PCDHA6: variants seen among roughly 807,000 people sequenced by gnomAD.
PCDHA6 encodes the protein protocadherin alpha-6.
A neutral mutation model predicts 60.3 loss-of-function variants in PCDHA6; 55 were observed. That is an observed-to-expected ratio of 0.91 (90% CI 0.73 to 1.14). PCDHA6 has a LOEUF of 1.14. Ranked by LOEUF, PCDHA6 falls within the 50% of genes most tolerant of loss-of-function variation. PCDHA6 has a pLI of 0.00. For synonymous variants in PCDHA6, 652 were observed against 557.9 expected (o/e 1.17, Z -2.38); for missense variants, 1,327 against 1,256.5 (o/e 1.06, Z -0.85).
In PCDHA6 at chr5:140,841,101, CG is replaced by C. The variant is rs1220554123; in HGVS notation, c.2394+10618del. 6.9e-6 allele frequency: 4 copies of C among 575,664 alleles called. No individual in the cohort carries two copies. The African/African-American group carries it at 7.5e-5, about 11-fold the overall frequency. The allele number at this position is 575,664 out of a possible 1,614,324, so 35.7% of individuals were successfully genotyped here. A position where few individuals can be genotyped will look rare whatever the true frequency, so the allele number is the denominator to read the frequency against. ...AGTGCATAGAAGAACCCAGATATTG[CG>C]GAAGTAATTCATGTAATCATTACCT... On this transcript the variant is annotated intron_variant, in intron 1 of 3. Coordinates refer to ENST00000529310, the MANE Select transcript of PCDHA6 (RefSeq NM_018909.4).
Position 140,984,851 on chromosome 5 carries a change from A to G in PCDHA6, c.2542+2288A>G, listed in dbSNP as rs986424116. Among the ~76,000 whole-genome samples the G allele has an allele frequency of 2.6e-5, 4 of 152,200 alleles. No individual in the cohort carries two copies. In the South Asian group the frequency reaches 6.2e-4, roughly 24 times the overall value. ...TTTCTGTAAATTGGGTGTAGTAATA[A>G]TAATAACACCTATTTTATTGAGTTA... On this transcript the variant is annotated intron_variant, in intron 3 of 3. Coordinates refer to ENST00000529310, the MANE Select transcript of PCDHA6 (RefSeq NM_018909.4).
chr5:140,872,610 T>G (rs1270918795), intron 1 of PCDHA6, among the ~76,000 whole-genome samples: 3 of 152,146 alleles, frequency 2.0e-5, no homozygotes, highest in Non-Finnish European at 4.4e-5. Flanking sequence ...AAAATAATTT[T>G]TTTTGCCTGT....
intron 1 of PCDHA6, chr5:140,834,206 C>G: frequency 1.6e-6 from 1 of 620,932 alleles, no homozygotes; most frequent in African/African-American, 1.8e-5. Flanking sequence ...ACCGCAAATT[C>G]TTTCGTAATC....
chr5:140,883,297 A>G (rs782572580), intron 1 of PCDHA6: 2 of 1,614,132 alleles, frequency 1.2e-6, no homozygotes, highest in Non-Finnish European at 1.7e-6. Flanking sequence ...TACTAGATGT[A>G]AATGATAACG....
intron 1 of PCDHA6, among the ~76,000 whole-genome samples, chr5:140,888,380 A>G (rs1348796416): frequency 6.6e-6 from 1 of 152,192 alleles, no homozygotes; most frequent in East Asian, 1.9e-4. Context: ...GAGCTCTGAG[A>G]TGCTGCTAAA....
At chr5:141,006,108 T>G (rs1268824828) in intron 3 of PCDHA6, among the ~76,000 whole-genome samples, 3 of 151,864 alleles carry the variant, frequency 2.0e-5, no homozygotes, top group Non-Finnish European at 4.4e-5. Flanking sequence ...GTAAGGAGTT[T>G]TTTTTTTTTT....
chr5:140,984,981 A>G (rs2097130201), intron 3 of PCDHA6, among the ~76,000 whole-genome samples: 1 of 151,972 alleles, frequency 6.6e-6, no homozygotes, highest in South Asian at 2.1e-4. Flanking sequence ...TCTGTCCCCC[A>G]GGCTGGAGTC....
intron 1 of PCDHA6, chr5:140,868,015 G>A (rs1161077691): frequency 6.6e-6 from 1 of 152,028 alleles, no homozygotes; most frequent in African/African-American, 2.4e-5. Flanking sequence ...TTAGATTAAG[G>A]AAACCAATGT....
chr5:140,869,798 T>A (rs782748267), intron 1 of PCDHA6: 2 of 1,612,730 alleles, frequency 1.2e-6, no homozygotes. Flanking sequence ...TTAGTCCAAG[T>A]CTTGGATGTC....
chr5:140,853,365 G>C (rs2150531166), intron 1 of PCDHA6: 504,759 of 981,110 alleles, frequency 0.51, 151,971 homozygotes, highest in South Asian at 0.62. Flanking sequence ...CAGGGATCCA[G>C]AGATGGTAAA....
chr5:140,895,905 G>A (rs987746254), intron 1 of PCDHA6, among the ~76,000 whole-genome samples: 4 of 152,076 alleles, frequency 2.6e-5, no homozygotes, highest in Admixed American at 1.3e-4. Context: ...TCCGCGTCCC[G>A]GGCTCAACAA....
At chr5:140,870,944 C>G in intron 1 of PCDHA6, 1 of 1,613,658 alleles carries the variant, frequency 6.2e-7, no homozygotes, top group Middle Eastern at 1.7e-4. Context: ...CAGCCGGCGG[C>G]GGGCGGCTCG....
rs1162004111 is a variant in PCDHA6, at chr5:140,853,967, G to A, written c.2394+23482G>A. ...GAGGGTCCCTTCCTTGAGCCCAGCAGTTTGAGACCAATGTAGTGAGACTCA... is the reference window on the plus strand; with the variant it reads ...GAGGGTCCCTTCCTTGAGCCCAGCAATTTGAGACCAATGTAGTGAGACTCA... On this transcript the variant is annotated intron_variant, in intron 1 of 3. Coordinates refer to ENST00000529310, the MANE Select transcript of PCDHA6 (RefSeq NM_018909.4). The A allele has an allele frequency of 7.7e-6, 5 of 646,708 alleles. No homozygotes were observed. The East Asian group carries it at 4.0e-4, about 51-fold the overall frequency. The allele number at this position is 646,708 out of a possible 1,614,324, so 40.1% of individuals were successfully genotyped here.
intron 1 of PCDHA6, chr5:140,841,275 A>G: frequency 6.5e-7 from 1 of 1,534,690 alleles, no homozygotes; most frequent in Non-Finnish European, 8.8e-7. Context: ...ACAGTCGTTC[A>G]TCTTTATATT....
rs141944056 is a variant in PCDHA6, at chr5:140,857,401, G to A, written c.2394+26916G>A. ...AGGTGGCCGACGTGAACGACAACGCGCCTGCGTTCGCGCAGTCCGAGTACA... is the reference window on the plus strand; with the variant it reads ...AGGTGGCCGACGTGAACGACAACGCACCTGCGTTCGCGCAGTCCGAGTACA... On this transcript the variant is annotated intron_variant, in intron 1 of 3. Transcript: ENST00000529310. The A allele has an allele frequency of 3.2e-3, 5,155 of 1,598,156 alleles. 411 individuals are homozygous for A. The African/African-American group carries it at 0.057, about 18-fold the overall frequency.
At chr5:140,966,447 C>T (rs373859357) in intron 1 of PCDHA6, 40 of 425,326 alleles carry the variant, frequency 9.4e-5, no homozygotes, top group Middle Eastern at 5.8e-4. Context: ...CTCCCTTTCC[C>T]CCTCCCCCTC....
intron 1 of PCDHA6, among the ~76,000 whole-genome samples, chr5:140,918,678 A>G (rs2078806155): frequency 6.6e-6 from 1 of 152,098 alleles, no homozygotes; most frequent in South Asian, 2.1e-4. Context: ...AAGAGGTGAG[A>G]CCTTTCAAAC....
intron 1 of PCDHA6, chr5:140,834,232 T>C: frequency 1.3e-6 from 1 of 753,154 alleles, no homozygotes; most frequent in African/African-American, 1.7e-5. Flanking sequence ...AAGGAAGTCA[T>C]TCCTTTTCGC....
At chr5:140,960,762 A>G (rs1164322988) in intron 1 of PCDHA6, among the ~76,000 whole-genome samples, 5 of 152,214 alleles carry the variant, frequency 3.3e-5, no homozygotes, top group Non-Finnish European at 7.3e-5. Flanking sequence ...CCCAAGAGTT[A>G]CAGAGGAGAA....
Sources: allele counts gnomAD v4.1 joint callset (sites outside exome capture counted in the v4.1 genomes callset), GRCh38; gene constraint gnomAD v4.1.1; transcripts MANE v1.5; gene names NCBI Gene and HGNC (gene_info 2026-07-23, HGNC 2026-07-21).